SND1: variants seen among roughly 807,000 people sequenced by gnomAD.
SND1 encodes the protein staphylococcal nuclease domain-containing protein 1.
SND1 carries 38 observed loss-of-function variants against 121.7 expected under a neutral mutation model. The observed-to-expected ratio is 0.31, with a 90% confidence interval of 0.24 to 0.41. SND1 has a LOEUF of 0.41. Ranked by LOEUF, SND1 falls within the 10% of genes least tolerant of loss-of-function variation. The pLI, the probability that SND1 is intolerant of heterozygous loss-of-function variation, is 1.00. For missense variants in SND1, 868 were observed against 1,184.6 expected, an observed-to-expected ratio of 0.73 and a Z score of 3.92; for synonymous variants, 401 against 447.4, an observed-to-expected ratio of 0.90 and a Z score of 1.31.
intron 11 of SND1, among the ~76,000 whole-genome samples, chr7:127,840,801 A>G (rs755624452): frequency 1.3e-5 from 2 of 152,222 alleles, no homozygotes; most frequent in Non-Finnish European, 2.9e-5. Flanking sequence ...CTGCAGGTGT[A>G]TATCTTGGCT....
At position 128,092,264 on chromosome 7, in the gene SND1, T is replaced by A; in HGVS notation, c.*206T>A. 1 of 587,192 alleles carries A rather than the reference T, an allele frequency of 1.7e-6. No homozygotes were observed. The highest frequency in any genetic ancestry group is 3.0e-6 in the Non-Finnish European group (1 of 329,392). The allele number at this position is 587,192 out of a possible 1,614,324, so 36.4% of individuals were successfully genotyped here. ...TGGGGCAGACCCTTGTCCTCTGGGA[T>A]GATGGGCACTGCTATCCACAGTCTC... is the stretch of plus-strand genomic sequence containing the variant. On this transcript the variant is annotated 3_prime_UTR_variant, in exon 24 of 24. Coordinates refer to ENST00000354725, the MANE Select transcript of SND1 (RefSeq NM_014390.4). This position sits in a 1 kb window ranked among gnomAD's most constrained non-coding sequence, Gnocchi z 4.9.
chr7:127,852,160 CA>C (rs1242894112), intron 12 of SND1, among the ~76,000 whole-genome samples: 1 of 108,142 alleles, frequency 9.2e-6, no homozygotes, highest in Non-Finnish European at 2.2e-5. Flanking sequence ...ACTCAGTCTC[CA>C]AAAAAATAAA....
chr7:127,948,884 A>G (rs1373507770), intron 15 of SND1, among the ~76,000 whole-genome samples: 1 of 152,122 alleles, frequency 6.6e-6, no homozygotes, highest in East Asian at 1.9e-4. Context: ...TTTATCTTTG[A>G]TTTGTCTTTC....
chr7:127,863,227 A>G (rs982705251), intron 12 of SND1, among the ~76,000 whole-genome samples: 2 of 152,224 alleles, frequency 1.3e-5, no homozygotes, highest in African/African-American at 4.8e-5. Context: ...TTCAGGAGGT[A>G]ACATTGCACA....
At chr7:127,891,375 C>G (rs1470171666) in intron 13 of SND1, among the ~76,000 whole-genome samples, 1 of 152,076 alleles carries the variant, frequency 6.6e-6, no homozygotes, top group Non-Finnish European at 1.5e-5. Context: ...TGTCCTGACA[C>G]TGGCTTATTT....
chr7:127,744,999 G>A (rs754195778), intron 10 of SND1, among the ~76,000 whole-genome samples: 4 of 152,166 alleles, frequency 2.6e-5, no homozygotes, highest in Non-Finnish European at 5.9e-5. Context: ...TAAACTGATA[G>A]GAAGTTTAAT....
At chr7:127,998,665 G>C (rs556031173) in intron 16 of SND1, 1 of 152,392 alleles carries the variant, frequency 6.6e-6, no homozygotes, top group South Asian at 2.1e-4. Flanking sequence ...ACTTCAGAAA[G>C]CCTAGAGAGA....
chr7:127,789,094 T>G (rs1054574006), intron 10 of SND1, among the ~76,000 whole-genome samples: 2 of 152,244 alleles, frequency 1.3e-5, no homozygotes, highest in African/African-American at 4.8e-5. Context: ...GACTTCACAC[T>G]TGCTTAGGCA....
intron 11 of SND1, among the ~76,000 whole-genome samples, chr7:127,838,175 C>T (rs548679521): frequency 5.9e-5 from 9 of 152,046 alleles, no homozygotes; most frequent in Non-Finnish European, 1.0e-4. Context: ...ACTCAAAGGA[C>T]GGAGCAGGTG....
intron 21 of SND1, 77 bp from the exon 22 acceptor site, chr7:128,089,412 G>A: frequency 7.1e-7 from 1 of 1,400,254 alleles, no homozygotes; most frequent in Non-Finnish European, 9.9e-7. Flanking sequence ...AGACTTTCTT[G>A]GGAGTCTATG....
intron 16 of SND1, among the ~76,000 whole-genome samples, chr7:128,050,381 C>T (rs189387265): frequency 3.3e-5 from 5 of 152,242 alleles, no homozygotes; most frequent in Admixed American, 3.3e-4. Context: ...CTCCTTACCT[C>T]TTTTCCCCAG....
At chr7:127,857,730 T>C in intron 12 of SND1, 2 of 609,000 alleles carry the variant, frequency 3.3e-6, no homozygotes, top group East Asian at 2.8e-5. Context: ...AAGGCTTTTA[T>C]TGGGAAAGGG....
At chr7:127,891,740 C>T (rs1409269127) in intron 13 of SND1, among the ~76,000 whole-genome samples, 1 of 152,096 alleles carries the variant, frequency 6.6e-6, no homozygotes, top group Admixed American at 6.6e-5. Context: ...GACCCCAAGT[C>T]TCTCACTGCT....
chr7:127,797,410 A>G (rs959843151), intron 10 of SND1, among the ~76,000 whole-genome samples: 27 of 152,238 alleles, frequency 1.8e-4, no homozygotes, highest in Non-Finnish European at 3.1e-4. Flanking sequence ...AACTGAACTC[A>G]AGCCTTGTTC....
At chr7:127,997,878 T>C (rs985673043) in intron 16 of SND1, 4 of 534,802 alleles carry the variant, frequency 7.5e-6, no homozygotes, top group Middle Eastern at 3.2e-4. Context: ...TTCTGGAAGG[T>C]GCACCACCTT....
At chr7:127,680,726 G>A (rs1034484356) in intron 1 of SND1, among the ~76,000 whole-genome samples, 8 of 150,320 alleles carry the variant, frequency 5.3e-5, no homozygotes, top group Admixed American at 1.3e-4. Context: ...TACAGTTAAC[G>A]CAATCATCAC....
At chr7:127,892,386 A>T (rs1203015584) in intron 13 of SND1, among the ~76,000 whole-genome samples, 1 of 152,076 alleles carries the variant, frequency 6.6e-6, no homozygotes, top group South Asian at 2.1e-4. Context: ...GTTGCTTTCA[A>T]GCATATCCAC....
intron 15 of SND1, among the ~76,000 whole-genome samples, chr7:127,970,130 T>G (rs1384294746): frequency 6.6e-6 from 1 of 152,238 alleles, no homozygotes; most frequent in African/African-American, 2.4e-5. Flanking sequence ...ATAATACAGC[T>G]ATTTCCTATG....
chr7:127,947,596 G>A (rs1664555623), intron 15 of SND1, among the ~76,000 whole-genome samples: 1 of 152,166 alleles, frequency 6.6e-6, no homozygotes, highest in Non-Finnish European at 1.5e-5. Context: ...CAAGACGCCA[G>A]CTACAGAGGC....
Sources: gnomAD v4.1 joint callset for allele counts (sites outside exome capture counted in the v4.1 genomes callset) on GRCh38, gnomAD v4.1.1 for gene constraint, Gnocchi (gnomAD v3.1) non-coding constraint, MANE v1.5 for transcripts, NCBI Gene and HGNC (gene_info 2026-07-23, HGNC 2026-07-21) for gene names.